Variants in NLGN1 observed in about 807,000 individuals in gnomAD.
NLGN1 encodes the protein neuroligin-1.
NLGN1 carries 12 observed loss-of-function variants against 65.5 expected under a neutral mutation model. The ratio of observed to expected loss-of-function variants is 0.18; its 90% CI spans 0.12 to 0.30. The LOEUF (loss-of-function observed/expected upper bound fraction) is 0.30, where lower values mean the gene tolerates loss of function less well. Ranked by LOEUF, NLGN1 falls within the 10% of genes least tolerant of loss-of-function variation. NLGN1 has a pLI of 1.00. For missense variants in NLGN1, 750 were observed against 1,007.1 expected, an observed-to-expected ratio of 0.74 and a Z score of 3.46; for synonymous variants, 350 against 359.5, an observed-to-expected ratio of 0.97 and a Z score of 0.30.
intron 3 of NLGN1, among the ~76,000 whole-genome samples, chr3:173,737,234 GA>G (rs11362529): frequency 0.98 from 147,390 of 149,734 alleles, 72,544 homozygotes; most frequent in East Asian, 1. Flanking sequence ...TCCTCACTAA[GA>G]AAAAAAAAAA....
intron 4 of NLGN1, among the ~76,000 whole-genome samples, chr3:174,218,879 C>G (rs529885485): frequency 1.3e-5 from 2 of 152,102 alleles, no homozygotes; most frequent in African/African-American, 4.8e-5. Flanking sequence ...CTTGAGTTTC[C>G]CAAAGTGGGA....
rs529458979 is a variant in NLGN1, at chr3:173,744,502, C to A, written c.494-63178C>A. On this transcript the variant is annotated intron_variant, in intron 3 of 6. Coordinates refer to ENST00000457714, the Ensembl canonical transcript of NLGN1. ...TGCTGCAGAAAGGAGGGACAGAGAACAGCATATTTTAGAAGGATTTGAACC... is the reference window on the plus strand; with the variant it reads ...TGCTGCAGAAAGGAGGGACAGAGAAAAGCATATTTTAGAAGGATTTGAACC... Among the ~76,000 whole-genome samples, 32 of 152,184 alleles carry A rather than the reference C, an allele frequency of 2.1e-4. 1 individual carries two copies. The South Asian group carries it at 6.6e-3, about 32-fold the overall frequency.
intron 3 of NLGN1, among the ~76,000 whole-genome samples, chr3:173,675,868 G>GTCTCTCTCTCTCTCTC (rs10635715): frequency 2.3e-5 from 3 of 132,620 alleles, no homozygotes; most frequent in African/African-American, 8.8e-5. Flanking sequence ...CTCTCTCTTT[G>GTCTCTCTCTCTCTCTC]TCTCTCTCTC....
At chr3:173,408,911 CAAA>C (rs11344890) in intron 1 of NLGN1, among the ~76,000 whole-genome samples, 5 of 124,836 alleles carry the variant, frequency 4.0e-5, no homozygotes, top group African/African-American at 3.0e-5. Context: ...GACTCTGTCT[CAAA>C]AAAAAAAAAA....
At chr3:173,867,436 G>A (rs1293464549) in intron 4 of NLGN1, among the ~76,000 whole-genome samples, 2 of 151,882 alleles carry the variant, frequency 1.3e-5, no homozygotes, top group East Asian at 1.9e-4. Context: ...CTTATAATAC[G>A]GTTCTGACTT....
At chr3:173,573,476 T>A (rs1448608933) in intron 2 of NLGN1, among the ~76,000 whole-genome samples, 2 of 149,446 alleles carry the variant, frequency 1.3e-5, no homozygotes, top group Non-Finnish European at 3.0e-5. Flanking sequence ...TATCTTCATA[T>A]GTATATTATA....
intron 4 of NLGN1, among the ~76,000 whole-genome samples, chr3:173,829,438 A>G (rs76604072): frequency 0.014 from 2,199 of 152,204 alleles, 40 homozygotes; most frequent in African/African-American, 0.049. Context: ...ATTCTATACA[A>G]TGTGTACAAT....
Position 174,280,412 on chromosome 3 carries a change from TTAAAG to T in NLGN1, c.1650-66_1650-62del. 3 of 1,054,024 alleles carry T rather than the reference TTAAAG, an allele frequency of 2.8e-6. No individual in the cohort carries two copies. The highest frequency in any genetic ancestry group is 4.1e-6 in the Non-Finnish European group (3 of 725,462). The allele number at this position is 1,054,024 out of a possible 1,614,324, so 65.3% of individuals were successfully genotyped here. ...GAGTCATCTATTTAATTATTAGATG[TTAAAG>T]TAGTGTGATTTTAAGTAAAAAATAA... On this transcript the variant is annotated intron_variant, in intron 6 of 6. Transcript: ENST00000457714. This position sits in a 1 kb window ranked among gnomAD's most constrained non-coding sequence, Gnocchi z 4.9.
chr3:174,038,740 ATAT>A (rs1731654168), intron 4 of NLGN1, among the ~76,000 whole-genome samples: 1 of 152,166 alleles, frequency 6.6e-6, no homozygotes, highest in Admixed American at 6.6e-5. Flanking sequence ...ATTTAGAGAA[ATAT>A]TATGTTCTGG....
chr3:174,162,317 C>T (rs9882026), intron 4 of NLGN1, among the ~76,000 whole-genome samples: 14,046 of 151,766 alleles, frequency 0.093, 1,290 homozygotes, highest in African/African-American at 0.24. Flanking sequence ...CAGATGGTAA[C>T]GTCATTCTGT....
chr3:174,189,184 C>T (rs998766218), intron 4 of NLGN1, among the ~76,000 whole-genome samples: 1 of 151,856 alleles, frequency 6.6e-6, no homozygotes, highest in African/African-American at 2.4e-5. Context: ...TAATGTTTTC[C>T]TTTACTAAAC....
At chr3:174,049,566 A>T (rs1463690484) in intron 4 of NLGN1, among the ~76,000 whole-genome samples, 1 of 152,052 alleles carries the variant, frequency 6.6e-6, no homozygotes, top group Non-Finnish European at 1.5e-5. Flanking sequence ...ACTACTGGCA[A>T]ATAATAGTGG....
chr3:173,761,323 G>T (rs1427090724), intron 3 of NLGN1, among the ~76,000 whole-genome samples: 2 of 151,972 alleles, frequency 1.3e-5, no homozygotes, highest in African/African-American at 4.8e-5. Flanking sequence ...AAAGAAAGAA[G>T]CTGTCTCCCT....
chr3:174,187,687 T>C (rs1251204708), intron 4 of NLGN1, among the ~76,000 whole-genome samples: 1 of 152,028 alleles, frequency 6.6e-6, no homozygotes, highest in Non-Finnish European at 1.5e-5. Context: ...ATTATGTTTA[T>C]TGAAACATTG....
At chr3:173,614,712 CCACACTCCCACACA>C (rs1752796638) in intron 3 of NLGN1, among the ~76,000 whole-genome samples, 1 of 151,982 alleles carries the variant, frequency 6.6e-6, no homozygotes, top group Admixed American at 6.6e-5. Context: ...AAGCAAACAC[CCACACTCCCACACA>C]CACCCACTTG....
chr3:174,154,533 T>C (rs1382426119), intron 4 of NLGN1, among the ~76,000 whole-genome samples: 1 of 152,040 alleles, frequency 6.6e-6, no homozygotes, highest in Admixed American at 6.6e-5. Flanking sequence ...TGAAGGATCA[T>C]TGATGAAATG....
At chr3:173,803,256 G>A (rs1298742242) in intron 3 of NLGN1, among the ~76,000 whole-genome samples, 1 of 152,096 alleles carries the variant, frequency 6.6e-6, no homozygotes, top group Non-Finnish European at 1.5e-5. Context: ...AATTTAAGAA[G>A]TATTTTAAAA....
chr3:174,012,398 C>G (rs1461098320), intron 4 of NLGN1, among the ~76,000 whole-genome samples: 1 of 152,116 alleles, frequency 6.6e-6, no homozygotes, highest in Non-Finnish European at 1.5e-5. Flanking sequence ...TGTGTGAAAT[C>G]TCACTGATTT....
At chr3:174,114,367 A>T (rs1576943548) in intron 4 of NLGN1, among the ~76,000 whole-genome samples, 1 of 152,174 alleles carries the variant, frequency 6.6e-6, no homozygotes, top group East Asian at 1.9e-4. Context: ...TACAGCCCCC[A>T]GTAATGTGAG....
Sources: gnomAD v4.1 joint callset for allele counts (sites outside exome capture counted in the v4.1 genomes callset) on GRCh38, gnomAD v4.1.1 for gene constraint, Gnocchi (gnomAD v3.1) non-coding constraint, MANE v1.5 for transcripts, NCBI Gene and HGNC (gene_info 2026-07-23, HGNC 2026-07-21) for gene names.